MTX2: variants seen among roughly 807,000 people sequenced by gnomAD.
MTX2 encodes metaxin-2.
MTX2 carries 35 observed loss-of-function variants against 42.3 expected under a neutral mutation model. The observed-to-expected ratio is 0.83, with a 90% confidence interval of 0.63 to 1.10. MTX2 has a LOEUF of 1.10. Ranked by LOEUF, MTX2 falls within the 50% of genes least tolerant of loss-of-function variation. MTX2 has a pLI of 0.00. For synonymous variants in MTX2, 119 were observed against 100.9 expected (o/e 1.18, Z -1.08); for missense variants, 307 against 304.1 (o/e 1.01, Z -0.07).
chr2:176,325,777 TG>T (rs1684693388), intron 4 of MTX2, among the ~76,000 whole-genome samples: 1 of 151,772 alleles, frequency 6.6e-6, no homozygotes, highest in Non-Finnish European at 1.5e-5. Flanking sequence ...AATTTTTTTT[TG>T]CAAGATTTAT....
intron 5 of MTX2, among the ~76,000 whole-genome samples, chr2:176,327,571 A>G (rs1186653553): frequency 2.4e-5 from 3 of 124,294 alleles, no homozygotes; most frequent in South Asian, 2.9e-4. Flanking sequence ...ATATATATAT[A>G]TATTATTTTT....
intron 9 of MTX2, among the ~76,000 whole-genome samples, chr2:176,331,769 A>T (rs1387800563): frequency 2.0e-5 from 3 of 151,196 alleles, no homozygotes; most frequent in African/African-American, 7.3e-5. Context: ...CACAAGAGAA[A>T]TGTATCCAAA....
In MTX2 at chr2:176,317,330, A is replaced by G. The variant is rs559533664; in HGVS notation, c.136-6062A>G. ...CCTTATAGGGTAAAGTTCTTGTGCA[A>G]GTACTTGGCATAGAGTAAGTGCTCA... On this transcript the variant is annotated intron_variant, in intron 3 of 9. Transcript: ENST00000249442. Among the ~76,000 whole-genome samples the G allele has an allele frequency of 2.0e-4, 31 of 151,722 alleles. No homozygotes were observed. In the South Asian group the frequency reaches 5.8e-3, roughly 28 times the overall value.
intron 3 of MTX2, among the ~76,000 whole-genome samples, chr2:176,311,503 C>G (rs1246679495): frequency 6.6e-6 from 1 of 152,204 alleles, no homozygotes; most frequent in Non-Finnish European, 1.5e-5. Flanking sequence ...TATGCCCTGC[C>G]CATGGAGGTG....
chr2:176,323,524 G>A, intron 4 of MTX2, 60 bp downstream of exon 4: 1 of 1,454,252 alleles, frequency 6.9e-7, no homozygotes, highest in Non-Finnish European at 9.5e-7. Context: ...TATAGTGATA[G>A]TCCAGTTTGT....
intron 7 of MTX2, 25 bp from the exon 8 acceptor site, chr2:176,329,276 T>A: frequency 6.4e-7 from 1 of 1,571,038 alleles, no homozygotes; most frequent in Non-Finnish European, 8.6e-7. Context: ...AGGATCACCT[T>A]TTTTACAAAA....
rs575469485 is a variant in MTX2 at position 176,298,747 on chromosome 2, T to G, written c.135+852T>G. Among the ~76,000 whole-genome samples, 5 of 152,262 alleles carry G rather than the reference T, an allele frequency of 3.3e-5. No homozygotes were observed. In the South Asian group the frequency reaches 1.0e-3, roughly 32 times the overall value. On this transcript the variant is annotated intron_variant, in intron 3 of 9. Transcript: ENST00000249442. ...CAATGTAAAAGTAAATGATTTGCTGTGTATAAAATAATATTTTCAATCTTT... is the reference window on the plus strand; with the variant it reads ...CAATGTAAAAGTAAATGATTTGCTGGGTATAAAATAATATTTTCAATCTTT...
chr2:176,329,858 C>T (rs1244909869), intron 8 of MTX2, among the ~76,000 whole-genome samples: 1 of 148,660 alleles, frequency 6.7e-6, no homozygotes. Context: ...AAAAAAAAAG[C>T]CCTGTTAAAT....
At chr2:176,323,601 A>G in intron 4 of MTX2, 137 bp downstream of exon 4, 1 of 769,562 alleles carries the variant, frequency 1.3e-6, no homozygotes, top group South Asian at 2.0e-5. Context: ...GGTTTTAGAA[A>G]GTAACAATTG....
intron 3 of MTX2, among the ~76,000 whole-genome samples, chr2:176,314,623 A>G (rs184139398): frequency 6.6e-6 from 1 of 152,284 alleles, no homozygotes; most frequent in East Asian, 1.9e-4. Flanking sequence ...TGATTTACAC[A>G]TTAATGTTAT....
intron 3 of MTX2, among the ~76,000 whole-genome samples, chr2:176,313,198 CTG>C (rs1168052794): frequency 2.0e-5 from 3 of 151,724 alleles, no homozygotes; most frequent in Non-Finnish European, 2.9e-5. Flanking sequence ...TTGAATTACT[CTG>C]TGTCAGATAG....
intron 8 of MTX2, among the ~76,000 whole-genome samples, 156 bp from the exon 9 acceptor site, chr2:176,330,424 TTATA>T (rs759179199): frequency 2.7e-5 from 4 of 149,720 alleles, no homozygotes; most frequent in Admixed American, 6.7e-5. Flanking sequence ...ATAGAAAGTA[TTATA>T]TATATATGTG....
chr2:176,330,695 G>T (rs760535155), intron 9 of MTX2, 35 bp downstream of exon 9: 1 of 1,373,440 alleles, frequency 7.3e-7, no homozygotes, highest in African/African-American at 1.5e-5. Flanking sequence ...TTAATTTTCT[G>T]TACTGTTAGG....
chr2:176,287,391 G>A (rs996849827), intron 1 of MTX2, among the ~76,000 whole-genome samples: 7 of 152,126 alleles, frequency 4.6e-5, no homozygotes, highest in Non-Finnish European at 1.0e-4. Flanking sequence ...ATCTGAAAAT[G>A]CTCCAAAATC....
intron 2 of MTX2, 32 bp downstream of exon 2, chr2:176,296,939 G>A (rs1278382045): frequency 6.3e-7 from 1 of 1,583,162 alleles, no homozygotes; most frequent in Non-Finnish European, 8.7e-7. Context: ...AAATGGCTTT[G>A]TATCAAACTA....
At chr2:176,334,009 ATCTGTTGAATTCTACT>A (rs1684924986) in intron 9 of MTX2, among the ~76,000 whole-genome samples, 1 of 151,774 alleles carries the variant, frequency 6.6e-6, no homozygotes, top group African/African-American at 2.4e-5. Context: ...CTTTGGTTTA[ATCTGTTGAATTCTACT>A]TCTGTTGATG....
intron 3 of MTX2, among the ~76,000 whole-genome samples, chr2:176,305,365 T>C (rs1189763123): frequency 6.6e-6 from 1 of 152,142 alleles, no homozygotes; most frequent in Non-Finnish European, 1.5e-5. Flanking sequence ...AGAATATATA[T>C]ATTTTTTCGT....
At chr2:176,326,018 G>C (rs1304037116) in intron 4 of MTX2, among the ~76,000 whole-genome samples, 2 of 151,674 alleles carry the variant, frequency 1.3e-5, no homozygotes, top group East Asian at 3.9e-4. Flanking sequence ...CCTGCTGTTA[G>C]TGTGAACTCT....
chr2:176,321,070 C>CT (rs1211354839), intron 3 of MTX2, among the ~76,000 whole-genome samples: 1 of 151,718 alleles, frequency 6.6e-6, no homozygotes, highest in Non-Finnish European at 1.5e-5. Context: ...TTTTTTTTCT[C>CT]TTTGTGTTTT....
Sources: gnomAD v4.1 joint callset for allele counts (sites outside exome capture counted in the v4.1 genomes callset) on GRCh38, gnomAD v4.1.1 for gene constraint, MANE v1.5 for transcripts, NCBI Gene and HGNC (gene_info 2026-07-23, HGNC 2026-07-21) for gene names.